GALNT18: variants seen among roughly 807,000 people sequenced by gnomAD.
GALNT18 encodes the protein polypeptide N-acetylgalactosaminyltransferase 18.
A neutral mutation model predicts 69.5 loss-of-function variants in GALNT18; 44 were observed. The ratio of observed to expected loss-of-function variants is 0.63; its 90% CI spans 0.50 to 0.81. The LOEUF (loss-of-function observed/expected upper bound fraction) is 0.81, where lower values mean the gene tolerates loss of function less well. Ranked by LOEUF, GALNT18 falls within the 40% of genes least tolerant of loss-of-function variation. The probability of loss-of-function intolerance (pLI) is 0.00; values close to 1 mark genes in which losing one functional copy is unlikely to be tolerated. For missense variants in GALNT18, 715 were observed against 810.0 expected, an observed-to-expected ratio of 0.88 and a Z score of 1.42; for synonymous variants, 364 against 318.2, an observed-to-expected ratio of 1.14 and a Z score of -1.53.
chr11:11,403,003 G>C (rs1854501926), intron 3 of GALNT18, among the ~76,000 whole-genome samples: 1 of 152,224 alleles, frequency 6.6e-6, no homozygotes, highest in Non-Finnish European at 1.5e-5. Context: ...CCTTTAGGAA[G>C]AATCATGCTC....
chr11:11,345,345 C>T (rs897582497), intron 6 of GALNT18, among the ~76,000 whole-genome samples: 7 of 151,926 alleles, frequency 4.6e-5, no homozygotes, highest in African/African-American at 1.5e-4. Context: ...CCTGTGCTGG[C>T]TGACTCCTGG....
intron 1 of GALNT18, among the ~76,000 whole-genome samples, chr11:11,566,988 C>T (rs1438768766): frequency 6.6e-6 from 1 of 152,192 alleles, no homozygotes; most frequent in African/African-American, 2.4e-5. Flanking sequence ...GCTTAGGCCT[C>T]TTTTTGCCTG....
chr11:11,304,009 C>A (rs1289078992), intron 9 of GALNT18, among the ~76,000 whole-genome samples: 6 of 152,228 alleles, frequency 3.9e-5, no homozygotes, highest in Non-Finnish European at 7.3e-5. Flanking sequence ...GGTCTATGCT[C>A]TGGGACTCTG....
chr11:11,611,477 G>T (rs1859898403), intron 1 of GALNT18, among the ~76,000 whole-genome samples: 1 of 152,178 alleles, frequency 6.6e-6, no homozygotes, highest in Middle Eastern at 3.2e-3. Flanking sequence ...AAGACCGGAT[G>T]CGGCACCATC....
intron 6 of GALNT18, among the ~76,000 whole-genome samples, chr11:11,360,173 C>T (rs146209014): frequency 3.9e-5 from 6 of 152,322 alleles, no homozygotes; most frequent in East Asian, 1.9e-4. Context: ...AAATCTCAGA[C>T]GTCCCAGACC....
rs548478624 is a variant in GALNT18 at position 11,523,699 on chromosome 11, A to G, written c.236-74763T>C. On this transcript the variant is annotated intron_variant, in intron 1 of 10. Coordinates refer to ENST00000227756, the MANE Select transcript of GALNT18 (RefSeq NM_198516.3). The surrounding 1 kb of genome is among the most constrained non-coding windows in gnomAD (Gnocchi z 4.3). ...GCACCACTGCACTCCAGCCTGGGCA[A>G]CAGAGCGAGACTCCATCTCAAAAAA... 6.6e-6 allele frequency among the ~76,000 whole-genome samples: 1 copy of G among 151,700 alleles called. No individual in the cohort carries two copies. Among genetic ancestry groups the G allele is most frequent in the South Asian group, 2.1e-4 (1 of 4,746 alleles).
chr11:11,392,645 T>C (rs1854223063), intron 3 of GALNT18, among the ~76,000 whole-genome samples: 1 of 152,108 alleles, frequency 6.6e-6, no homozygotes, highest in South Asian at 2.1e-4. Context: ...AAAAAGTCAC[T>C]GTTTATGTGG....
intron 1 of GALNT18, among the ~76,000 whole-genome samples, chr11:11,488,551 G>T (rs1325679528): frequency 1.3e-5 from 2 of 152,124 alleles, no homozygotes; most frequent in Non-Finnish European, 2.9e-5. Context: ...CCTCTTTGGG[G>T]GCCATCATCC....
rs146808846 is a variant in GALNT18 at position 11,558,544 on chromosome 11, T to A, written c.235+62815A>T. ...AGGCCTGAGGCAAGCTGCACAGGAA[T>A]AGCCCTGCTTCATGCTTGGAGTCAG... On this transcript the variant is annotated intron_variant, in intron 1 of 10. Transcript: ENST00000227756. Among the ~76,000 whole-genome samples the A allele has an allele frequency of 3.2e-3, 480 of 152,356 alleles. 2 individuals carry two copies. Among genetic ancestry groups the A allele is most frequent in the Admixed American group, 5.0e-3 (77 of 15,308 alleles).
At chr11:11,292,996 G>C in intron 10 of GALNT18, 33 bp downstream of exon 10, 1 of 1,336,734 alleles carries the variant, frequency 7.5e-7, no homozygotes, top group Non-Finnish European at 9.7e-7. Flanking sequence ...TTCCACGATG[G>C]CTGCCACTGT....
At chr11:11,457,765 G>C (rs12161779) in intron 1 of GALNT18, among the ~76,000 whole-genome samples, 1 of 149,036 alleles carries the variant, frequency 6.7e-6, no homozygotes, top group South Asian at 2.2e-4. Context: ...GGTTTACTCA[G>C]TTTACTGTGT....
intron 1 of GALNT18, among the ~76,000 whole-genome samples, chr11:11,560,943 G>C (rs1310435788): frequency 6.6e-6 from 1 of 152,170 alleles, no homozygotes; most frequent in Non-Finnish European, 1.5e-5. Flanking sequence ...CCAGGGTCTT[G>C]TCCTGCAGAG....
In GALNT18 at chr11:11,486,153, C is replaced by T. The variant is rs575657874; in HGVS notation, c.236-37217G>A. ...AAATTATGCATATATCTTTGAGGAGCGAGTAGGCCTGCTGGCACCTGGGCC... is the reference window on the plus strand; with the variant it reads ...AAATTATGCATATATCTTTGAGGAGTGAGTAGGCCTGCTGGCACCTGGGCC... On this transcript the variant is annotated intron_variant, in intron 1 of 10. Coordinates refer to ENST00000227756, the MANE Select transcript of GALNT18 (RefSeq NM_198516.3). 5.3e-5 allele frequency among the ~76,000 whole-genome samples: 8 copies of T among 152,242 alleles called. No individual in the cohort carries two copies. In the South Asian group the frequency reaches 6.2e-4, roughly 12 times the overall value.
chr11:11,572,829 TG>T (rs1858825595), intron 1 of GALNT18, among the ~76,000 whole-genome samples: 1 of 152,186 alleles, frequency 6.6e-6, no homozygotes, highest in African/African-American at 2.4e-5. Flanking sequence ...CAACTCCAAC[TG>T]GGGCATGAGT....
At chr11:11,282,691 A>C (rs1036857967) in intron 10 of GALNT18, among the ~76,000 whole-genome samples, 2 of 152,154 alleles carry the variant, frequency 1.3e-5, no homozygotes, top group Admixed American at 1.3e-4. Context: ...AACGAGCTTC[A>C]AAATTAGGTC....
intron 6 of GALNT18, among the ~76,000 whole-genome samples, chr11:11,362,518 G>T (rs1180903067): frequency 5.9e-5 from 9 of 152,268 alleles, no homozygotes; most frequent in Non-Finnish European, 2.9e-5. Flanking sequence ...CTATAGGAAA[G>T]TGGGCCAAAG....
intron 3 of GALNT18, among the ~76,000 whole-genome samples, chr11:11,394,652 C>T (rs1176038791): frequency 1.3e-5 from 2 of 152,232 alleles, no homozygotes; most frequent in African/African-American, 4.8e-5. Context: ...ATGGGCTCCT[C>T]ACTAAGCTCC....
rs2133931857 is a variant in GALNT18 at position 11,523,649 on chromosome 11, G to A, written c.236-74713C>T. Among the ~76,000 whole-genome samples the A allele has an allele frequency of 6.6e-6, 1 of 151,418 alleles. No homozygotes were observed. Among genetic ancestry groups the A allele is most frequent in the East Asian group, 1.9e-4 (1 of 5,138 alleles). On this transcript the variant is annotated intron_variant, in intron 1 of 10. Transcript: ENST00000227756. The surrounding 1 kb of genome is among the most constrained non-coding windows in gnomAD (Gnocchi z 4.3). ...CAGGAGAATGGTGAGAACCCGGGAG[G>A]AAGAGGTTGCAGTGAGCCGAGATCG...
Position 11,606,320 on chromosome 11 carries a change from A to G in GALNT18, c.235+15039T>C, listed in dbSNP as rs1362495148. Among the ~76,000 whole-genome samples, 1 of 152,242 alleles carries G rather than the reference A, an allele frequency of 6.6e-6. No individual in the cohort carries two copies. Among genetic ancestry groups the G allele is most frequent in the Non-Finnish European group, 1.5e-5 (1 of 68,050 alleles). On this transcript the variant is annotated intron_variant, in intron 1 of 10. Transcript: ENST00000227756. The surrounding 1 kb of genome is among the most constrained non-coding windows in gnomAD (Gnocchi z 5.4). ...TTTAAGTAACCCACAGTCTAATGAG[A>G]AAAGCAGACTAATAATTACAGGACA...
Sources: gnomAD v4.1 joint callset for allele counts (sites outside exome capture counted in the v4.1 genomes callset) on GRCh38, gnomAD v4.1.1 for gene constraint, Gnocchi (gnomAD v3.1) non-coding constraint, MANE v1.5 for transcripts, NCBI Gene and HGNC (gene_info 2026-07-23, HGNC 2026-07-21) for gene names.